GPC6: variants seen among roughly 807,000 people sequenced by gnomAD.
GPC6 encodes the protein glypican-6.
GPC6 carries 14 observed loss-of-function variants against 55.2 expected under a neutral mutation model. The observed-to-expected ratio is 0.25, with a 90% CI of 0.17 to 0.40. The LOEUF (loss-of-function observed/expected upper bound fraction) is 0.40, where lower values mean the gene tolerates loss of function less well. GPC6 is among the 10% of genes least tolerant of loss of function. GPC6 has a pLI of 1.00. For synonymous variants in GPC6, 278 were observed against 259.6 expected (o/e 1.07, Z -0.68); for missense variants, 641 against 708.5 (o/e 0.90, Z 1.08).
intron 2 of GPC6, among the ~76,000 whole-genome samples, chr13:93,600,573 A>G (rs1310563461): frequency 6.6e-6 from 1 of 152,242 alleles, no homozygotes; most frequent in Non-Finnish European, 1.5e-5. Flanking sequence ...CAATCTGGGT[A>G]GAAAGGTCTC....
At chr13:93,386,646 A>G (rs568180147) in intron 1 of GPC6, among the ~76,000 whole-genome samples, 1 of 152,338 alleles carries the variant, frequency 6.6e-6, no homozygotes, top group Non-Finnish European at 1.5e-5. Flanking sequence ...GCAAATAACA[A>G]TATTGTGGAA....
At chr13:93,387,739 C>G (rs1350107855) in intron 1 of GPC6, among the ~76,000 whole-genome samples, 1 of 152,112 alleles carries the variant, frequency 6.6e-6, no homozygotes, top group East Asian at 1.9e-4. Context: ...TTTGCTCAAC[C>G]AAACTCTTGT....
intron 4 of GPC6, among the ~76,000 whole-genome samples, chr13:94,219,043 T>C (rs887722774): frequency 6.6e-6 from 1 of 152,184 alleles, no homozygotes; most frequent in Non-Finnish European, 1.5e-5. Context: ...TTGATTCACA[T>C]ATGCTAACAT....
intron 1 of GPC6, among the ~76,000 whole-genome samples, chr13:93,278,010 T>G (rs1263477303): frequency 6.6e-6 from 1 of 152,192 alleles, no homozygotes; most frequent in Non-Finnish European, 1.5e-5. Context: ...TTACTATAGT[T>G]CCTGGAAAGA....
At chr13:94,082,777 T>A (rs1231821645) in intron 4 of GPC6, among the ~76,000 whole-genome samples, 1 of 152,118 alleles carries the variant, frequency 6.6e-6, no homozygotes, top group African/African-American at 2.4e-5. Context: ...CCGTGAAACT[T>A]CCCCCAGATC....
intron 2 of GPC6, among the ~76,000 whole-genome samples, chr13:93,670,472 A>G (rs1264565900): frequency 6.6e-6 from 1 of 152,228 alleles, no homozygotes; most frequent in African/African-American, 2.4e-5. Flanking sequence ...ATCATAATGT[A>G]TACACATGGC....
At chr13:93,943,503 G>T (rs572357109) in intron 3 of GPC6, among the ~76,000 whole-genome samples, 1 of 152,198 alleles carries the variant, frequency 6.6e-6, no homozygotes, top group African/African-American at 2.4e-5. Context: ...AGAATTGGCT[G>T]AGGTCTCATT....
intron 5 of GPC6, among the ~76,000 whole-genome samples, chr13:94,301,368 G>A (rs1875641467): frequency 1.3e-5 from 2 of 152,200 alleles, no homozygotes; most frequent in South Asian, 4.1e-4. Context: ...TTGCACTCCA[G>A]TCTGGGCAAC....
At chr13:93,731,874 G>GA (rs34152742) in intron 2 of GPC6, among the ~76,000 whole-genome samples, 12 of 151,466 alleles carry the variant, frequency 7.9e-5, no homozygotes, top group Non-Finnish European at 1.6e-4. Flanking sequence ...ACTAATTTGA[G>GA]AAAAAAAATG....
chr13:93,682,646 A>G (rs775906176), intron 2 of GPC6, among the ~76,000 whole-genome samples: 18 of 152,138 alleles, frequency 1.2e-4, no homozygotes, highest in Non-Finnish European at 2.2e-4. Flanking sequence ...TTTGCTATTT[A>G]GATTTCTCTG....
chr13:93,695,571 G>A (rs2138786738), intron 2 of GPC6, among the ~76,000 whole-genome samples: 1 of 152,050 alleles, frequency 6.6e-6, no homozygotes, highest in Admixed American at 6.6e-5. Context: ...ATACTAAGAA[G>A]TATCTTTTGA....
chr13:93,958,555 A>G (rs1434768671), intron 3 of GPC6, among the ~76,000 whole-genome samples: 1 of 152,034 alleles, frequency 6.6e-6, no homozygotes, highest in Non-Finnish European at 1.5e-5. Context: ...ATTGGTCTAT[A>G]TGTCTGTTTT....
At chr13:93,433,374 G>A (rs968577163) in intron 1 of GPC6, among the ~76,000 whole-genome samples, 1 of 152,066 alleles carries the variant, frequency 6.6e-6, no homozygotes, top group African/African-American at 2.4e-5. Context: ...ATTTCACTGG[G>A]GCCAAATGTT....
chr13:93,751,079 T>C (rs1324366524), intron 2 of GPC6, among the ~76,000 whole-genome samples: 1 of 152,008 alleles, frequency 6.6e-6, no homozygotes, highest in Non-Finnish European at 1.5e-5. Flanking sequence ...ATCTGTAGAG[T>C]GAGGAGTACA....
At chr13:93,490,473 T>G (rs1370856133) in intron 1 of GPC6, among the ~76,000 whole-genome samples, 33 of 145,194 alleles carry the variant, frequency 2.3e-4, no homozygotes, top group African/African-American at 8.1e-4. Flanking sequence ...TTTTTTTTTT[T>G]TTTTCAACTT....
At chr13:93,459,749 T>C (rs2139313100) in intron 1 of GPC6, among the ~76,000 whole-genome samples, 1 of 152,332 alleles carries the variant, frequency 6.6e-6, no homozygotes, top group East Asian at 1.9e-4. Flanking sequence ...TTCTTGGCTA[T>C]TGTCTTAAAA....
chr13:93,897,099 A>G (rs1876060980), intron 3 of GPC6, among the ~76,000 whole-genome samples: 1 of 151,798 alleles, frequency 6.6e-6, no homozygotes, highest in African/African-American at 2.4e-5. Context: ...AAAAGCATAC[A>G]TAGGAGCTTA....
At chr13:93,497,952 G>T (rs1241157341) in intron 1 of GPC6, among the ~76,000 whole-genome samples, 1 of 152,210 alleles carries the variant, frequency 6.6e-6, no homozygotes, top group Non-Finnish European at 1.5e-5. Context: ...TCTCAGATGT[G>T]TTGGGGTAGA....
At chr13:93,576,245 GT>G (rs966774192) in intron 2 of GPC6, among the ~76,000 whole-genome samples, 1 of 152,004 alleles carries the variant, frequency 6.6e-6, no homozygotes, top group Admixed American at 6.6e-5. Flanking sequence ...TTAGATCCAG[GT>G]TTTGTGAGAT....
Sources: gnomAD v4.1 joint callset for allele counts (sites outside exome capture counted in the v4.1 genomes callset) on GRCh38, gnomAD v4.1.1 for gene constraint, MANE v1.5 for transcripts, NCBI Gene and HGNC (gene_info 2026-07-23, HGNC 2026-07-21) for gene names.